Variants in THSD4 observed in about 807,000 individuals in gnomAD.
THSD4 encodes the protein thrombospondin type 1 domain containing 4.
THSD4 carries 69 observed loss-of-function variants against 119.0 expected under a neutral mutation model. That is an observed-to-expected ratio of 0.58 (90% CI 0.48 to 0.71). The LOEUF is 0.71. Ranked by LOEUF, THSD4 falls within the 30% of genes least tolerant of loss-of-function variation. The probability of loss-of-function intolerance (pLI) is 0.00; values close to 1 mark genes in which losing one functional copy is unlikely to be tolerated. For synonymous variants in THSD4, 524 were observed against 540.4 expected, an observed-to-expected ratio of 0.97 and a Z score of 0.42; for missense variants, 1,393 against 1,391.1, an observed-to-expected ratio of 1.00 and a Z score of -0.02.
chr15:71,364,494 A>G (rs1431617363), intron 6 of THSD4, among the ~76,000 whole-genome samples: 3 of 152,214 alleles, frequency 2.0e-5, no homozygotes, highest in Admixed American at 1.3e-4. Flanking sequence ...TCACCTGTTC[A>G]AATGCGGAAA....
chr15:71,647,856 T>C (rs2140974886), intron 7 of THSD4, among the ~76,000 whole-genome samples: 1 of 152,190 alleles, frequency 6.6e-6, no homozygotes. Flanking sequence ...AGAGACGCTA[T>C]AGGAGATGCT....
At chr15:71,594,070 C>T (rs2049860734) in intron 7 of THSD4, among the ~76,000 whole-genome samples, 1 of 152,118 alleles carries the variant, frequency 6.6e-6, no homozygotes, top group African/African-American at 2.4e-5. Flanking sequence ...ATGAGCTGCA[C>T]AATGGTGCTG....
At chr15:71,150,820 A>C (rs946122355) in intron 2 of THSD4, among the ~76,000 whole-genome samples, 1 of 152,212 alleles carries the variant, frequency 6.6e-6, no homozygotes, top group Non-Finnish European at 1.5e-5. Flanking sequence ...GACATTTTCA[A>C]ATATGTTAAT....
chr15:71,635,593 T>G (rs2050723726), intron 7 of THSD4, among the ~76,000 whole-genome samples: 1 of 152,230 alleles, frequency 6.6e-6, no homozygotes. Context: ...ACGTCATGGA[T>G]TGATTGGAAA....
intron 1 of THSD4, among the ~76,000 whole-genome samples, chr15:71,104,546 T>C (rs1224175133): frequency 1.3e-5 from 2 of 152,226 alleles, no homozygotes; most frequent in Non-Finnish European, 2.9e-5. Context: ...AGGTTTCTTC[T>C]GAGCCAATAT....
intron 8 of THSD4, among the ~76,000 whole-genome samples, chr15:71,682,678 G>T (rs2051808598): frequency 6.7e-6 from 1 of 149,404 alleles, no homozygotes. Flanking sequence ...AAACCAATTT[G>T]TTGAGTGGTT....
intron 7 of THSD4, among the ~76,000 whole-genome samples, chr15:71,567,597 C>CCCA (rs2049266264): frequency 1.3e-5 from 1 of 79,810 alleles, no homozygotes. Flanking sequence ...AACAAAGACA[C>CCCA]CCCCCCACAC....
At chr15:71,493,731 G>A (rs537860214) in intron 7 of THSD4, among the ~76,000 whole-genome samples, 1 of 152,260 alleles carries the variant, frequency 6.6e-6, no homozygotes, top group African/African-American at 2.4e-5. Context: ...GAGGACAAAG[G>A]TTTATTGGGC....
At chr15:71,402,342 G>A (rs533829931) in intron 6 of THSD4, among the ~76,000 whole-genome samples, 2 of 152,004 alleles carry the variant, frequency 1.3e-5, no homozygotes, top group Non-Finnish European at 2.9e-5. Context: ...TTGTAATTTA[G>A]CTTAGATTAA....
intron 7 of THSD4, among the ~76,000 whole-genome samples, chr15:71,630,896 G>T (rs2050613812): frequency 6.6e-6 from 1 of 152,140 alleles, no homozygotes; most frequent in African/African-American, 2.4e-5. Context: ...TCCACATTTG[G>T]CCCTGAAGGT....
chr15:71,553,864 A>G (rs1442816775), intron 7 of THSD4, among the ~76,000 whole-genome samples: 2 of 152,136 alleles, frequency 1.3e-5, no homozygotes, highest in African/African-American at 2.4e-5. Flanking sequence ...GCATTCTTGG[A>G]ATTAACTATC....
chr15:71,389,810 G>GTGTTTTTTTTTTTTTTTT (rs1555408982), intron 6 of THSD4, among the ~76,000 whole-genome samples: 1 of 87,998 alleles, frequency 1.1e-5, no homozygotes, highest in Non-Finnish European at 2.2e-5. Context: ...TTTCTGGGTT[G>GTGTTTTTTTTTTTTTTTT]TTTTTTTTTT....
chr15:71,597,231 G>A (rs766690817), intron 7 of THSD4, among the ~76,000 whole-genome samples: 8 of 152,064 alleles, frequency 5.3e-5, no homozygotes, highest in Non-Finnish European at 1.2e-4. Context: ...GTGCTACCCG[G>A]AATCTCCTGT....
intron 6 of THSD4, among the ~76,000 whole-genome samples, chr15:71,285,041 G>T (rs2044699109): frequency 6.6e-6 from 1 of 152,074 alleles, no homozygotes; most frequent in Non-Finnish European, 1.5e-5. Flanking sequence ...GAAGCTGTCT[G>T]TGCCTTCACC....
chr15:71,497,335 A>G (rs550250386), intron 7 of THSD4, among the ~76,000 whole-genome samples: 1 of 152,248 alleles, frequency 6.6e-6, no homozygotes, highest in South Asian at 2.1e-4. Flanking sequence ...CAATGTGGCA[A>G]TACCCCATCT....
intron 8 of THSD4, among the ~76,000 whole-genome samples, chr15:71,718,501 A>G (rs541817639): frequency 1.1e-4 from 16 of 152,130 alleles, no homozygotes; most frequent in African/African-American, 1.7e-4. Context: ...TGGGTATCAC[A>G]TGCTACCCAT....
In THSD4 at chr15:71,418,548, A is replaced by C. The variant is rs148746412; in HGVS notation, c.1152+6725A>C. Among the ~76,000 whole-genome samples the C allele has an allele frequency of 3.5e-3, 383 of 109,136 alleles. 118 individuals carry two copies. The highest frequency in any genetic ancestry group is 0.024 in the Middle Eastern group (6 of 246). The allele number at this position is 109,136 out of a possible 152,430, so 71.6% of individuals were successfully genotyped here. On this transcript the variant is annotated intron_variant, in intron 7 of 17. Transcript: ENST00000261862. ...TTTTGTCCTTCATTCTGTTGCTATGATATATCACATTAATTGATTTGCCTA... is the reference window on the plus strand; with the variant it reads ...TTTTGTCCTTCATTCTGTTGCTATGCTATATCACATTAATTGATTTGCCTA...
intron 3 of THSD4, among the ~76,000 whole-genome samples, chr15:71,214,608 A>T (rs2043914877): frequency 6.6e-6 from 1 of 152,238 alleles, no homozygotes; most frequent in African/African-American, 2.4e-5. Context: ...GGGTGTAATC[A>T]TAGGCAGTCT....
rs1246206398 is a variant in THSD4, at chr15:71,176,036, C to A, written c.99+21104C>A. On this transcript the variant is annotated intron_variant, in intron 3 of 17. Transcript: ENST00000261862. ...CGGTACCAGCCGCTGCAAAATCATG[C>A]CAAAATGTAAAGACCATCGAGACTA... Among the ~76,000 whole-genome samples, 65 of 107,732 alleles carry A rather than the reference C, an allele frequency of 6.0e-4. 1 individual carries two copies. Among genetic ancestry groups the A allele is most frequent in the South Asian group, 5.7e-3 (13 of 2,278 alleles). 70.7% of individuals were successfully genotyped at this position (107,732 alleles called of 152,430 possible).
Sources: allele counts gnomAD v4.1 joint callset (sites outside exome capture counted in the v4.1 genomes callset), GRCh38; gene constraint gnomAD v4.1.1; transcripts MANE v1.5; gene names NCBI Gene and HGNC (gene_info 2026-07-23, HGNC 2026-07-21).